Variants in TRIM52 observed in about 807,000 individuals in gnomAD.
TRIM52 encodes tripartite motif containing 52, also known as E3 ubiquitin-protein ligase TRIM52.
TRIM52 carries 24 observed loss-of-function variants against 27.0 expected under a neutral mutation model. The ratio of observed to expected loss-of-function variants is 0.89; its 90% CI spans 0.64 to 1.25. The LOEUF (loss-of-function observed/expected upper bound fraction) is 1.25, where lower values mean the gene tolerates loss of function less well. Ranked by LOEUF, TRIM52 falls within the 50% of genes most tolerant of loss-of-function variation. The probability of loss-of-function intolerance (pLI) is 0.00; values close to 1 mark genes in which losing one functional copy is unlikely to be tolerated. For missense variants in TRIM52, 351 were observed against 354.7 expected (o/e 0.99, Z 0.08); for synonymous variants, 125 against 126.5 (o/e 0.99, Z 0.08).
chr5:181,250,796 G>A (rs1759619474), downstream of TRIM52, among the ~76,000 whole-genome samples: 1 of 152,206 alleles, frequency 6.6e-6, no homozygotes, highest in African/African-American at 2.4e-5. Flanking sequence ...AATGGCCAGG[G>A]CCTGCGGAGA....
At chr5:181,259,341 C>T (rs935854975) in intron 1 of TRIM52, 3 of 155,016 alleles carry the variant, frequency 1.9e-5, no homozygotes, top group African/African-American at 7.2e-5. Flanking sequence ...TCCTAAATCC[C>T]GCACTCCTTC....
chr5:181,256,966 G>C, intron 1 of TRIM52, 107 bp from the exon 2 acceptor site: 3 of 986,638 alleles, frequency 3.0e-6, no homozygotes, highest in Non-Finnish European at 3.6e-6. Flanking sequence ...GAGTACTGAT[G>C]ATGGAAGCAT....
At position 181,260,549 on chromosome 5, in the gene TRIM52, C is replaced by G. The variant is rs1459440362; in HGVS notation, c.265G>C (p.Gly89Arg). The G allele has an allele frequency of 1.2e-6, 2 of 1,614,030 alleles. No homozygotes were observed. Among genetic ancestry groups the G allele is most frequent in the Non-Finnish European group, 1.7e-6 (2 of 1,180,006 alleles). The stretch of plus-strand genomic sequence containing the variant: ...TGGAACAACTCTTCGTCAGCATTCC[C>G]CCGATACAACACCTCTCGAATGGAG... Reference protein sequence around the residue: ...DGSIREVLYRGNADEELFQDQ... With the variant: ...DGSIREVLYRRNADEELFQDQ... The change falls in exon 1 of 2, where the codon GGG becomes CGG. Residue 89 changes from glycine to arginine, a missense_variant. Transcript: ENST00000688015. The surrounding 1 kb of genome is among the most constrained non-coding windows in gnomAD (Gnocchi z 4.4).
At chr5:181,258,899 T>G (rs13177248) in intron 1 of TRIM52, 56,975 of 152,102 alleles carry the variant, frequency 0.37, 11,958 homozygotes, top group South Asian at 0.49. Context: ...TGAAAACCAC[T>G]GCTATAGGAG....
At chr5:181,257,457 T>C in intron 1 of TRIM52, 9 of 1,613,064 alleles carry the variant, frequency 5.6e-6, no homozygotes, top group South Asian at 1.1e-5. Flanking sequence ...TTGCTCTATC[T>C]GAAGTATTCC....
At chr5:181,257,961 G>C (rs1177630589) in intron 1 of TRIM52, 2 of 152,140 alleles carry the variant, frequency 1.3e-5, no homozygotes, top group East Asian at 3.9e-4. Context: ...CTGCACTCTA[G>C]CCTGATGACA....
chr5:181,251,843 C>A (rs920016315), downstream of TRIM52, among the ~76,000 whole-genome samples: 16 of 152,212 alleles, frequency 1.1e-4, no homozygotes, highest in African/African-American at 3.9e-4. Flanking sequence ...TCTTCCAGGA[C>A]TCCAAGAGCT....
chr5:181,253,706 G>T (rs1759688174), downstream of TRIM52, among the ~76,000 whole-genome samples: 1 of 142,726 alleles, frequency 7.0e-6, no homozygotes, highest in Non-Finnish European at 1.5e-5. Context: ...GAGAAATCCT[G>T]GTCTAGGCTG....
At chr5:181,257,262 C>CTGA in intron 1 of TRIM52, 2 of 1,293,004 alleles carry the variant, frequency 1.5e-6, no homozygotes, top group Non-Finnish European at 2.0e-6. Context: ...GCTTTCTGGG[C>CTGA]CAAAAAGCCT....
rs949579556 is a variant in TRIM52 at position 181,260,165 on chromosome 5, G to C, written c.649C>G (p.Arg217Gly). The C allele has an allele frequency of 1.9e-6, 3 of 1,614,072 alleles. No homozygotes were observed. The highest frequency in any genetic ancestry group is 1.1e-5 in the South Asian group (1 of 91,084). ...IIRQMCPTPY[R>G]GNRSNDQGMC... ...CCCTGATCATTACTCCGGTTTCCCC[G>C]ATAAGGAGTGGGGCACATCTGGCGA... The change falls in exon 1 of 2, where the codon CGG (arginine) becomes GGG (glycine). Residue 217 changes from arginine (R) to glycine (G), a missense_variant. Physicochemically the swap from Arg to Gly is moderately radical, Grantham distance 125. Transcript: ENST00000688015. The surrounding 1 kb of genome is among the most constrained non-coding windows in gnomAD (Gnocchi z 4.4).
Position 181,260,356 on chromosome 5 carries a change from ATTTC to A in TRIM52, c.454_457del (p.Glu152TyrfsTer55). 2 of 1,613,852 alleles carry A rather than the reference ATTTC, an allele frequency of 1.2e-6. No individual in the cohort carries two copies. Among genetic ancestry groups the A allele is most frequent in the Non-Finnish European group, 1.7e-6 (2 of 1,179,970 alleles). On this transcript the variant is annotated frameshift_variant, in exon 1 of 2. Transcript: ENST00000688015. LOFTEE classifies it high-confidence loss of function. This position sits in a 1 kb window ranked among gnomAD's most constrained non-coding sequence, Gnocchi z 4.4. The stretch of plus-strand genomic sequence containing the variant: ...TTCGTCCTCATCGTATGCTTCCAGT[ATTTC>A]TTCTTCTCGGTAGACATCAATTCTC...
rs767727116 is a variant in TRIM52, at chr5:181,260,434, TC to T, written c.379del (p.Glu127LysfsTer10). 6.2e-7 allele frequency: 1 copy of T among 1,614,008 alleles called. No individual in the cohort carries two copies. The highest frequency in any genetic ancestry group is 1.1e-5 in the South Asian group (1 of 91,060). ...VDYMWDEEEE[E>X]EEEDQDYYLG... is the part of the protein sequence containing the mutation. ...GTAATAGTCCTGATCTTCCTCTTCT[TC>T]TTCTTCCTCCTCGTCCCACATATAG... On this transcript the variant is annotated frameshift_variant, in exon 1 of 2. Coordinates refer to ENST00000688015, the MANE Select transcript of TRIM52 (RefSeq NM_001346048.2). LOFTEE classifies it high-confidence loss of function. The surrounding 1 kb of genome is among the most constrained non-coding windows in gnomAD (Gnocchi z 4.4).
intron 1 of TRIM52, chr5:181,259,118 A>G (rs1759918440): frequency 6.6e-6 from 1 of 152,256 alleles, no homozygotes; most frequent in African/African-American, 2.4e-5. Flanking sequence ...TTAGAAGTCA[A>G]GACTAGAAAG....
Position 181,260,918 on chromosome 5 carries a change from C to CA in TRIM52, c.-106dup. The CA allele has an allele frequency of 2.1e-6, 3 of 1,446,090 alleles. No individual in the cohort carries two copies. The highest frequency in any genetic ancestry group is 2.7e-6 in the Non-Finnish European group (3 of 1,096,658). The allele number at this position is 1,446,090 out of a possible 1,614,324, so 89.6% of individuals were successfully genotyped here. On this transcript the variant is annotated 5_prime_UTR_variant, in exon 1 of 2. Coordinates refer to ENST00000688015, the MANE Select transcript of TRIM52 (RefSeq NM_001346048.2). The surrounding 1 kb of genome is among the most constrained non-coding windows in gnomAD (Gnocchi z 4.4). ...TACTCTGGTGACCCGAGGCTGTCCT[C>CA]AACCTTGCTCTTCTTCCTCGGGGCC...
downstream of TRIM52, chr5:181,255,059 CT>C (rs1335604814): frequency 6.6e-6 from 1 of 152,212 alleles, no homozygotes; most frequent in African/African-American, 2.4e-5. Context: ...CACACTTCTA[CT>C]TTTCATATAC....
downstream of TRIM52, among the ~76,000 whole-genome samples, chr5:181,249,632 C>T (rs1476968941): frequency 6.6e-6 from 1 of 151,504 alleles, no homozygotes; most frequent in African/African-American, 2.4e-5. Context: ...GCTATGATCA[C>T]ATCACTACAC....
intron 1 of TRIM52, chr5:181,257,848 G>A (rs1410831845): frequency 6.2e-6 from 1 of 162,198 alleles, no homozygotes; most frequent in Admixed American, 6.3e-5. Flanking sequence ...AAATTAGCTG[G>A]GCATGGTGGT....
At chr5:181,259,178 A>G (rs1177850149) in intron 1 of TRIM52, 1 of 152,278 alleles carries the variant, frequency 6.6e-6, no homozygotes, top group Non-Finnish European at 1.5e-5. Context: ...AAGTTACAAG[A>G]AAGCCAAATA....
Position 181,260,717 on chromosome 5 carries a change from T to C in TRIM52, c.97A>G (p.Ile33Val). ...CLDYFKDPVS[I>V]SCGHNFCRGC... ...CGGCAGAAGTTGTGCCCACAGCTGA[T>C]GGACACGGGGTCCTTGAAGTAATCC... The change falls in exon 1 of 2, where the codon ATC becomes GTC. Residue 33 changes from isoleucine to valine, a missense_variant. Transcript: ENST00000688015. This position sits in a 1 kb window ranked among gnomAD's most constrained non-coding sequence, Gnocchi z 4.4. 2 of 1,614,034 alleles carry C rather than the reference T, an allele frequency of 1.2e-6. No homozygotes were observed. Among genetic ancestry groups the C allele is most frequent in the Non-Finnish European group, 1.7e-6 (2 of 1,180,016 alleles).
Sources: allele counts gnomAD v4.1 joint callset (sites outside exome capture counted in the v4.1 genomes callset), GRCh38; gene constraint gnomAD v4.1.1; non-coding constraint Gnocchi (gnomAD v3.1); transcripts MANE v1.5; gene names NCBI Gene and HGNC (gene_info 2026-07-23, HGNC 2026-07-21).